Variants in SLC24A2 observed in about 807,000 individuals in gnomAD.
SLC24A2 encodes sodium/potassium/calcium exchanger 2.
A neutral mutation model predicts 62.0 loss-of-function variants in SLC24A2; 36 were observed. The ratio of observed to expected loss-of-function variants is 0.58; its 90% CI spans 0.44 to 0.77. The LOEUF (loss-of-function observed/expected upper bound fraction) is 0.77. SLC24A2 is among the 30% of genes least tolerant of loss of function. The probability of loss-of-function intolerance (pLI) is 0.00; values close to 1 mark genes in which losing one functional copy is unlikely to be tolerated. For missense variants in SLC24A2, 846 were observed against 817.9 expected, an observed-to-expected ratio of 1.03 and a Z score of -0.42; for synonymous variants, 358 against 294.0, an observed-to-expected ratio of 1.22 and a Z score of -2.23.
intron 5 of SLC24A2, among the ~76,000 whole-genome samples, chr9:19,592,498 CTA>C (rs1491390883): frequency 8.1e-5 from 9 of 110,940 alleles, no homozygotes; most frequent in South Asian, 6.4e-4. Context: ...ACCTACCCAC[CTA>C]CCTACCTACC....
chr9:20,085,518 G>C, the SLC24A2 span, among the ~76,000 whole-genome samples: 1 of 152,172 alleles, frequency 6.6e-6, no homozygotes, highest in East Asian at 1.9e-4. Flanking sequence ...GACTATAATA[G>C]CGTTGTTTGA....
chr9:19,956,068 G>A, the SLC24A2 span, among the ~76,000 whole-genome samples: 1 of 152,194 alleles, frequency 6.6e-6, no homozygotes, highest in South Asian at 2.1e-4. Flanking sequence ...AGGACAAAGT[G>A]ATCCCTTAGG....
intron 4 of SLC24A2, among the ~76,000 whole-genome samples, chr9:19,605,759 C>T (rs1836966868): frequency 6.6e-6 from 1 of 152,162 alleles, no homozygotes; most frequent in East Asian, 1.9e-4. Flanking sequence ...GTTCTATGTG[C>T]CCTACAAATA....
chr9:19,989,923 A>G, the SLC24A2 span, among the ~76,000 whole-genome samples: 1 of 152,180 alleles, frequency 6.6e-6, no homozygotes. Context: ...ACAAAATCAT[A>G]GAGACAGGTA....
chr9:19,544,195 C>A (rs1211660801), intron 8 of SLC24A2, among the ~76,000 whole-genome samples: 2 of 148,598 alleles, frequency 1.3e-5, no homozygotes, highest in African/African-American at 4.9e-5. Flanking sequence ...GGCCTTCTTT[C>A]TCTTTTGATC....
At chr9:19,961,023 G>GTGTGT in the SLC24A2 span, among the ~76,000 whole-genome samples, 2,495 of 141,686 alleles carry the variant, frequency 0.018, 44 homozygotes, top group Middle Eastern at 0.025. Context: ...TAGAGGGGTG[G>GTGTGT]GTGTGTGTGT....
chr9:20,101,347 C>T, the SLC24A2 span, among the ~76,000 whole-genome samples: 3 of 152,196 alleles, frequency 2.0e-5, no homozygotes, highest in Non-Finnish European at 4.4e-5. Flanking sequence ...TTGTTCAGTA[C>T]CTTGCTGTAG....
At chr9:20,226,383 T>C in the SLC24A2 span, among the ~76,000 whole-genome samples, 4 of 152,150 alleles carry the variant, frequency 2.6e-5, no homozygotes, top group African/African-American at 9.7e-5. Context: ...CATGTACGTA[T>C]AAAGAGACCA....
chr9:20,288,821 C>T, the SLC24A2 span, among the ~76,000 whole-genome samples: 6 of 151,814 alleles, frequency 4.0e-5, no homozygotes, highest in Non-Finnish European at 8.8e-5. Context: ...CTCTGCCTAG[C>T]TCTGGCTGTC....
At chr9:19,747,972 C>G (rs528225990) in intron 2 of SLC24A2, among the ~76,000 whole-genome samples, 1 of 152,278 alleles carries the variant, frequency 6.6e-6, no homozygotes, top group South Asian at 2.1e-4. Flanking sequence ...TGGCAAGATG[C>G]TCTATGCAAG....
intron 5 of SLC24A2, among the ~76,000 whole-genome samples, chr9:19,585,011 G>A (rs1380210320): frequency 6.6e-6 from 1 of 152,120 alleles, no homozygotes; most frequent in Admixed American, 6.5e-5. Flanking sequence ...CACAATCATA[G>A]GAGTAATTTC....
rs114709205 is a variant in SLC24A2 at position 19,720,342 on chromosome 9, T to G, written c.930+65595A>C. The stretch of plus-strand genomic sequence containing the variant: ...AACCCAACCACACTGATCTGGGGCT[T>G]TGGGGACATCACTTTGACTTATTCT... On this transcript the variant is annotated intron_variant, in intron 2 of 10. Coordinates refer to ENST00000341998, the MANE Select transcript of SLC24A2 (RefSeq NM_020344.4). 1.6e-3 allele frequency among the ~76,000 whole-genome samples: 245 copies of G among 152,280 alleles called. 1 individual carries two copies. Among genetic ancestry groups the G allele is most frequent in the African/African-American group, 5.3e-3 (219 of 41,582 alleles).
the SLC24A2 span, among the ~76,000 whole-genome samples, chr9:20,039,246 AGG>A: frequency 1.2e-4 from 19 of 152,242 alleles, no homozygotes; most frequent in East Asian, 3.1e-3. Context: ...AATGACCCAA[AGG>A]GACTACCTGT....
At chr9:19,954,238 T>A in the SLC24A2 span, among the ~76,000 whole-genome samples, 1 of 152,116 alleles carries the variant, frequency 6.6e-6, no homozygotes, top group Admixed American at 6.5e-5. Flanking sequence ...TGAGATATCA[T>A]AGCAGAGTCC....
chr9:19,978,320 G>A, the SLC24A2 span, among the ~76,000 whole-genome samples: 1 of 152,146 alleles, frequency 6.6e-6, no homozygotes, highest in African/African-American at 2.4e-5. Context: ...CTCAAGAAGA[G>A]AGCCTTGGAA....
chr9:19,777,920 C>A (rs1822891713), intron 2 of SLC24A2, among the ~76,000 whole-genome samples: 1 of 152,042 alleles, frequency 6.6e-6, no homozygotes, highest in South Asian at 2.1e-4. Flanking sequence ...ATTTAAAAGG[C>A]AAACCTAAAA....
chr9:20,210,987 A>G, the SLC24A2 span, among the ~76,000 whole-genome samples: 1 of 152,232 alleles, frequency 6.6e-6, no homozygotes, highest in South Asian at 2.1e-4. Flanking sequence ...GTGTTCCGGA[A>G]TAGGCAGAAC....
the SLC24A2 span, among the ~76,000 whole-genome samples, chr9:19,825,190 G>A: frequency 6.6e-6 from 1 of 152,070 alleles, no homozygotes; most frequent in South Asian, 2.1e-4. Context: ...TAAAATTTCA[G>A]AAAAAGTTAA....
At chr9:19,696,907 C>T (rs972635537) in intron 2 of SLC24A2, among the ~76,000 whole-genome samples, 1 of 151,966 alleles carries the variant, frequency 6.6e-6, no homozygotes, top group Non-Finnish European at 1.5e-5. Flanking sequence ...TTTCTAATAA[C>T]CAGGTATATA....
Sources: allele counts gnomAD v4.1 joint callset (sites outside exome capture counted in the v4.1 genomes callset), GRCh38; gene constraint gnomAD v4.1.1; transcripts MANE v1.5; gene names NCBI Gene and HGNC (gene_info 2026-07-23, HGNC 2026-07-21).